Variants in CECR2 observed in about 807,000 individuals in gnomAD.
CECR2 encodes CECR2 histone acetyl-lysine reader.
In CECR2, 30 loss-of-function variants were observed where a neutral mutation model predicts 154.5. The ratio of observed to expected loss-of-function variants is 0.19; its 90% CI spans 0.15 to 0.26. The LOEUF (loss-of-function observed/expected upper bound fraction) is 0.26, where lower values mean the gene tolerates loss of function less well. Among genes scored for constraint, CECR2 ranks in the 10% least tolerant of loss-of-function variants. The pLI, the probability that CECR2 is intolerant of heterozygous loss-of-function variation, is 1.00. For synonymous variants in CECR2, 725 were observed against 683.7 expected (o/e 1.06, Z -0.94); for missense variants, 1,743 against 1,829.3 (o/e 0.95, Z 0.86).
chr22:17,494,459 C>G (rs2055586038), intron 2 of CECR2, among the ~76,000 whole-genome samples: 1 of 152,188 alleles, frequency 6.6e-6, no homozygotes, highest in South Asian at 2.1e-4. Context: ...GTAGCAACTT[C>G]ACAGACAATG....
intron 1 of CECR2, among the ~76,000 whole-genome samples, chr22:17,455,747 A>G (rs2054843709): frequency 6.6e-6 from 1 of 152,148 alleles, no homozygotes; most frequent in Non-Finnish European, 1.5e-5. Flanking sequence ...CCCTCGGGAA[A>G]CTACAGGCGC....
intron 1 of CECR2, among the ~76,000 whole-genome samples, chr22:17,430,736 C>T (rs2054408245): frequency 6.6e-6 from 1 of 151,884 alleles, no homozygotes; most frequent in African/African-American, 2.4e-5. Context: ...TTGCATCATC[C>T]CTTTGGGTCA....
In CECR2 at chr22:17,532,535, A is replaced by G. The variant is rs527489656; in HGVS notation, c.1109-4568A>G. On this transcript the variant is annotated intron_variant, in intron 9 of 18. Transcript: ENST00000262608. ...CAGGATAAACACAAGGATTTCCTCT[A>G]TTGTTTCCATTTAATATTGTATTGT... Among the ~76,000 whole-genome samples, 4 of 152,154 alleles carry G rather than the reference A, an allele frequency of 2.6e-5. No homozygotes were observed. In the South Asian group the frequency reaches 8.3e-4, roughly 32 times the overall value.
chr22:17,361,105 G>T (rs2062974623), intron 1 of CECR2, among the ~76,000 whole-genome samples: 1 of 152,152 alleles, frequency 6.6e-6, no homozygotes, highest in African/African-American at 2.4e-5. Context: ...GGAGGTTGCA[G>T]TGAGCTGAGA....
chr22:17,434,156 G>A (rs757179613), intron 1 of CECR2, among the ~76,000 whole-genome samples: 1 of 152,104 alleles, frequency 6.6e-6, no homozygotes, highest in African/African-American at 2.4e-5. Context: ...AAAAAAAAAT[G>A]AAGAGGCCTT....
At chr22:17,513,436 C>T (rs1490146278) in intron 8 of CECR2, among the ~76,000 whole-genome samples, 1 of 152,206 alleles carries the variant, frequency 6.6e-6, no homozygotes, top group East Asian at 1.9e-4. Context: ...ACACGATGTT[C>T]TATTACAGAG....
At chr22:17,537,838 T>C (rs960612268) in intron 10 of CECR2, among the ~76,000 whole-genome samples, 6 of 151,846 alleles carry the variant, frequency 4.0e-5, no homozygotes, top group African/African-American at 1.2e-4. Flanking sequence ...TAATAAAAAT[T>C]TTAAAAAAAA....
intron 1 of CECR2, among the ~76,000 whole-genome samples, chr22:17,430,744 T>A (rs2054408520): frequency 6.6e-6 from 1 of 151,958 alleles, no homozygotes; most frequent in African/African-American, 2.4e-5. Context: ...TCCCTTTGGG[T>A]CATGGCTGCA....
At position 17,524,165 on chromosome 22, in the gene CECR2, GGAA is replaced by G; in HGVS notation, c.1008_1010del (p.Glu337del). ...TAGAAAAACAAAAGCGCAAAGAGGA[GGAA>G]GAAGAGCGTCAGATTCTTCTAGCAG... On this transcript the variant is annotated inframe_deletion, in exon 9 of 19. Coordinates refer to ENST00000262608, the MANE Select transcript of CECR2 (RefSeq NM_001290047.2). The G allele has an allele frequency of 1.9e-6, 3 of 1,604,668 alleles. 1 individual carries two copies. In the South Asian group the frequency reaches 3.4e-5, roughly 18 times the overall value.
chr22:17,541,826 C>T lies in CECR2; in HGVS notation c.1885-13C>T, dbSNP rs778057158. On this transcript the variant is annotated splice_polypyrimidine_tract_variant and intron_variant, in intron 14 of 18. Coordinates refer to ENST00000262608, the MANE Select transcript of CECR2 (RefSeq NM_001290047.2). Reference sequence around the variant, plus strand: ...TCCTTTTTCCTCTTCTTGCTTTGTTCAATGTGCTGCAGAGGCCAGCAGTAC... The same window carrying T: ...TCCTTTTTCCTCTTCTTGCTTTGTTTAATGTGCTGCAGAGGCCAGCAGTAC... The T allele has an allele frequency of 6.2e-7, 1 of 1,603,934 alleles. No homozygotes were observed. Among genetic ancestry groups the T allele is most frequent in the South Asian group, 1.1e-5 (1 of 89,490 alleles).
intron 1 of CECR2, among the ~76,000 whole-genome samples, chr22:17,397,650 A>G (rs2146525020): frequency 6.6e-6 from 1 of 152,076 alleles, no homozygotes; most frequent in East Asian, 1.9e-4. Flanking sequence ...GGCGCCCGCC[A>G]CCACGCTCGG....
intron 2 of CECR2, among the ~76,000 whole-genome samples, chr22:17,488,219 A>G (rs1284941274): frequency 1.3e-5 from 2 of 152,210 alleles, no homozygotes; most frequent in African/African-American, 4.8e-5. Context: ...GCATTGCGTA[A>G]TAGATTCCCT....
chr22:17,517,754 GCTT>G (rs1448694392), intron 8 of CECR2, among the ~76,000 whole-genome samples: 1 of 152,210 alleles, frequency 6.6e-6, no homozygotes, highest in Non-Finnish European at 1.5e-5. Flanking sequence ...TGCTAGGAGA[GCTT>G]CTTAAAGTAG....
In CECR2 at chr22:17,376,844, G is replaced by GC. The variant is rs555333887; in HGVS notation, c.126+6937dup. Among the ~76,000 whole-genome samples, 5 of 152,056 alleles carry GC rather than the reference G, an allele frequency of 3.3e-5. No individual in the cohort carries two copies. In the South Asian group the frequency reaches 1.0e-3, roughly 32 times the overall value. On this transcript the variant is annotated intron_variant, in intron 1 of 18. Coordinates refer to ENST00000262608, the MANE Select transcript of CECR2 (RefSeq NM_001290047.2). ...GGAGAGATGGGGTTTCGCTGTGTTG[G>GC]CCAGGCTGGTCTCAAACTCCTGACC...
At chr22:17,500,209 A>T (rs1178731725) in intron 4 of CECR2, among the ~76,000 whole-genome samples, 10 of 5,254 alleles carry the variant, frequency 1.9e-3, no homozygotes, top group African/African-American at 0.012. Context: ...AGACTCCATC[A>T]AAAAAAAAAA....
At chr22:17,436,926 T>G (rs1259223268) in intron 1 of CECR2, among the ~76,000 whole-genome samples, 2 of 152,212 alleles carry the variant, frequency 1.3e-5, no homozygotes, top group Non-Finnish European at 2.9e-5. Context: ...GTATTTCATG[T>G]CATCCCCAAA....
chr22:17,461,092 C>T (rs1057455496), intron 1 of CECR2, among the ~76,000 whole-genome samples: 10 of 152,196 alleles, frequency 6.6e-5, no homozygotes, highest in African/African-American at 2.4e-4. Flanking sequence ...CGATGGGTTT[C>T]CCCGGTCGTG....
At position 17,548,458 on chromosome 22, in the gene CECR2, C is replaced by G. The variant is rs2056650085; in HGVS notation, c.3171C>G (p.Val1057=). 3 of 1,613,860 alleles carry G rather than the reference C, an allele frequency of 1.9e-6. No homozygotes were observed. Among genetic ancestry groups the G allele is most frequent in the Non-Finnish European group, 8.5e-7 (1 of 1,179,900 alleles). The change falls in exon 17 of 19, where the codon GTC becomes GTG. Residue 1057 remains valine (V), a synonymous_variant. Coordinates refer to ENST00000262608, the MANE Select transcript of CECR2 (RefSeq NM_001290047.2). ...GGGGCGCTCTATCCGAGAACGGAGT[C>G]ATTGGGGAAGCATCTCCTTGTGGAT... ...ADRGALSENG[V]IGEASPCGSE...
intron 1 of CECR2, among the ~76,000 whole-genome samples, chr22:17,444,911 G>A (rs958701235): frequency 3.3e-5 from 5 of 152,126 alleles, no homozygotes; most frequent in African/African-American, 7.2e-5. Flanking sequence ...TAATCTGATC[G>A]CTAAACCAAA....
Sources: gnomAD v4.1 joint callset for allele counts (sites outside exome capture counted in the v4.1 genomes callset) on GRCh38, gnomAD v4.1.1 for gene constraint, MANE v1.5 for transcripts, NCBI Gene and HGNC (gene_info 2026-07-23, HGNC 2026-07-21) for gene names.